ENG: variants seen among roughly 807,000 people sequenced by gnomAD.
The protein encoded by ENG is CD105 antigen.
In ENG, 17 loss-of-function variants were observed where a neutral mutation model predicts 71.0. That is an observed-to-expected ratio of 0.24 (90% CI 0.16 to 0.36). The LOEUF (loss-of-function observed/expected upper bound fraction) is 0.36, where lower values mean the gene tolerates loss of function less well. ENG is among the 10% of genes least tolerant of loss of function. ENG has a pLI of 1.00. For missense variants in ENG, 749 were observed against 868.3 expected (o/e 0.86, Z 1.73); for synonymous variants, 360 against 366.9 (o/e 0.98, Z 0.21).
intron 2 of ENG, among the ~76,000 whole-genome samples, chr9:127,841,998 G>A (rs541125140): frequency 6.6e-6 from 1 of 152,262 alleles, no homozygotes; most frequent in East Asian, 1.9e-4. Context: ...GCATAGAGTC[G>A]GCCCTAGCAC....
Position 127,836,411 on chromosome 9 carries a change from C to T in ENG, c.220-6584G>A, listed in dbSNP as rs981591563. On this transcript the variant is annotated intron_variant, in intron 2 of 14. Coordinates refer to ENST00000373203, the MANE Select transcript of ENG (RefSeq NM_001114753.3). This position sits in a 1 kb window ranked among gnomAD's most constrained non-coding sequence, Gnocchi z 4.0. ...AAGGGGGGATTTCGGTGAGGAGGCC[C>T]TGAGTGCTAGTAGCCACTTATAGAA... Among the ~76,000 whole-genome samples the T allele has an allele frequency of 1.3e-5, 2 of 152,240 alleles. No homozygotes were observed. Among genetic ancestry groups the T allele is most frequent in the Non-Finnish European group, 1.5e-5 (1 of 68,044 alleles).
At chr9:127,817,956 G>A in intron 12 of ENG, 164 bp downstream of exon 12, 3 of 1,120,370 alleles carry the variant, frequency 2.7e-6, no homozygotes, top group East Asian at 5.0e-5. Flanking sequence ...CTCTCGGGTG[G>A]CAGAAAGTGC....
intron 2 of ENG, among the ~76,000 whole-genome samples, chr9:127,837,095 C>T (rs1308155877): frequency 6.6e-6 from 1 of 152,146 alleles, no homozygotes; most frequent in African/African-American, 2.4e-5. Flanking sequence ...GCCTGGTTGG[C>T]TTTTTAATCC....
In ENG at chr9:127,817,959, GA is replaced by G. The variant is rs150166884; in HGVS notation, c.1686+160del. The G allele has an allele frequency of 4.1e-4, 486 of 1,187,886 alleles. 2 individuals are homozygous for G. The African/African-American group carries it at 6.8e-3, about 17-fold the overall frequency. 73.6% of individuals were successfully genotyped at this position (1,187,886 alleles called of 1,614,324 possible). On this transcript the variant is annotated intron_variant, in intron 12 of 14. Transcript: ENST00000373203. ...CCCACCAGAAAGCTCTCGGGTGGCA[GA>G]AAGTGCTGCTGGCAGCCAGACTGCC... is the stretch of plus-strand genomic sequence containing the variant.
intron 2 of ENG, among the ~76,000 whole-genome samples, chr9:127,842,547 C>T (rs956238629): frequency 1.3e-5 from 2 of 152,128 alleles, no homozygotes; most frequent in Admixed American, 6.5e-5. Context: ...GCCTCAGCCT[C>T]CCAAGTAGCT....
intron 2 of ENG, among the ~76,000 whole-genome samples, chr9:127,837,625 G>C (rs1052291510): frequency 2.6e-5 from 4 of 152,158 alleles, no homozygotes; most frequent in Admixed American, 1.3e-4. Context: ...ACCTCCGAAC[G>C]ACCAGACATA....
chr9:127,817,024 G>T, intron 13 of ENG, 125 bp downstream of exon 13: 1 of 1,113,750 alleles, frequency 9.0e-7, no homozygotes, highest in Non-Finnish European at 1.3e-6. Flanking sequence ...CCCCTTCTGG[G>T]CCGCTTTCTC....
At position 127,854,512 on chromosome 9, in the gene ENG, C is replaced by T. The variant is rs1456012678; in HGVS notation, c.-157G>A. The T allele has an allele frequency of 8.1e-6, 6 of 740,044 alleles. No homozygotes were observed. Among genetic ancestry groups the T allele is most frequent in the Non-Finnish European group, 6.5e-6 (3 of 464,450 alleles). 45.8% of individuals were successfully genotyped at this position (740,044 alleles called of 1,614,324 possible). A position where few individuals can be genotyped will look rare whatever the true frequency, so the allele number is the denominator to read the frequency against. ...TGCTCCAGCCTTCTGGGGTGGCGGC[C>T]GAGGGGTCAGGAGAAGTGGACACAG... is the stretch of plus-strand genomic sequence containing the variant. On this transcript the variant is annotated 5_prime_UTR_variant, in exon 1 of 15. Coordinates refer to ENST00000373203, the MANE Select transcript of ENG (RefSeq NM_001114753.3).
rs1830295702 is a variant in ENG, at chr9:127,815,821, GGGGGCA to G, written c.1853-21_1853-16del. ...GCTGGGGGAACCTGGGAGCGGGAGC[GGGGGCA>G]GGGGCGGAGGTCAGGGTCCTGGCCA... On this transcript the variant is annotated splice_polypyrimidine_tract_variant and intron_variant, in intron 14 of 14. Coordinates refer to ENST00000373203, the MANE Select transcript of ENG (RefSeq NM_001114753.3). 9.0e-6 allele frequency: 14 copies of G among 1,547,408 alleles called. No individual in the cohort carries two copies. The highest frequency in any genetic ancestry group is 1.2e-5 in the Non-Finnish European group (14 of 1,146,430).
In ENG at chr9:127,815,580, T is replaced by G; in HGVS notation, c.*102A>C. 6.7e-7 allele frequency: 1 copy of G among 1,490,722 alleles called. No homozygotes were observed. The highest frequency in any genetic ancestry group is 1.3e-5 in the South Asian group (1 of 76,770). 92.3% of individuals were successfully genotyped at this position (1,490,722 alleles called of 1,614,324 possible). On this transcript the variant is annotated 3_prime_UTR_variant, in exon 15 of 15. Transcript: ENST00000373203. Reference sequence around the variant, plus strand: ...GGTAGGCGCGGAGAGCAGGCTCCATTCTGGGTCGAGTGGAGGACTGGCTCC... The same window carrying G: ...GGTAGGCGCGGAGAGCAGGCTCCATGCTGGGTCGAGTGGAGGACTGGCTCC...
At chr9:127,840,016 C>T (rs1196204348) in intron 2 of ENG, among the ~76,000 whole-genome samples, 2 of 152,212 alleles carry the variant, frequency 1.3e-5, no homozygotes, top group African/African-American at 2.4e-5. Context: ...AGCCACCATA[C>T]GCTGAGCCGT....
chr9:127,818,960 C>T (rs558450402), intron 10 of ENG, 128 bp from the exon 11 acceptor site: 18 of 774,694 alleles, frequency 2.3e-5, no homozygotes, highest in Middle Eastern at 3.9e-4. Context: ...TTTTTTGAGA[C>T]GGAGTCTCGC....
At position 127,815,454 on chromosome 9, in the gene ENG, C is replaced by T; in HGVS notation, c.*228G>A. On this transcript the variant is annotated 3_prime_UTR_variant, in exon 15 of 15. Transcript: ENST00000373203. ...GGTCTGTCTCCTGGGCAGCCATATC[C>T]CAGACCCACTGGGTTGAAGGTTCTG... 1.2e-6 allele frequency: 1 copy of T among 814,854 alleles called. No homozygotes were observed. Among genetic ancestry groups the T allele is most frequent in the Non-Finnish European group, 1.8e-6 (1 of 541,316 alleles). 50.5% of individuals were successfully genotyped at this position (814,854 alleles called of 1,614,324 possible). A position where few individuals can be genotyped will look rare whatever the true frequency, so the allele number is the denominator to read the frequency against.
At chr9:127,845,135 T>C (rs1307420718) in intron 1 of ENG, among the ~76,000 whole-genome samples, 1 of 152,218 alleles carries the variant, frequency 6.6e-6, no homozygotes, top group Admixed American at 6.5e-5. Flanking sequence ...GTCTCCATCT[T>C]GTCGCGCTCA....
intron 10 of ENG, among the ~76,000 whole-genome samples, chr9:127,819,086 C>T (rs1016436473): frequency 5.7e-4 from 86 of 152,036 alleles, no homozygotes; most frequent in Admixed American, 1.2e-3. Context: ...TACAGGTGCC[C>T]GCCACCACGC....
rs1323617205 is a variant in ENG, at chr9:127,825,242, T to C, written c.805A>G (p.Met269Val). The change falls in exon 6 of 15, where the codon ATG becomes GTG. Residue 269 changes from methionine (M) to valine (V), a missense_variant. By Grantham distance (21) the Met-to-Val change is conservative. Coordinates refer to ENST00000373203, the MANE Select transcript of ENG (RefSeq NM_001114753.3). The stretch of plus-strand genomic sequence containing the variant: ...TGCGCACAACTCACCCAGATCTGCA[T>C]GTTGTGGTTGGCGTCGATGAGCCAG... The part of the protein sequence containing the change: ...VSWLIDANHN[M>V]QIWTTGEYSF... 3.1e-6 allele frequency: 5 copies of C among 1,612,466 alleles called. No individual in the cohort carries two copies. The African/African-American group carries it at 5.4e-5, about 17-fold the overall frequency.
At position 127,839,115 on chromosome 9, in the gene ENG, C is replaced by T. The variant is rs141697043; in HGVS notation, c.219+3979G>A. ...TCTACCCTGCTCTTGGGCTAGACACCAGGGGCCTTTTCCCTAACGCCCCTC... is the reference window on the plus strand; with the variant it reads ...TCTACCCTGCTCTTGGGCTAGACACTAGGGGCCTTTTCCCTAACGCCCCTC... On this transcript the variant is annotated intron_variant, in intron 2 of 14. Coordinates refer to ENST00000373203, the MANE Select transcript of ENG (RefSeq NM_001114753.3). Among the ~76,000 whole-genome samples the T allele has an allele frequency of 2.0e-3, 301 of 152,234 alleles. 4 individuals are homozygous for T. The East Asian group carries it at 0.036, about 18-fold the overall frequency.
chr9:127,820,566 C>T (rs1422921260), intron 8 of ENG, among the ~76,000 whole-genome samples: 3 of 151,382 alleles, frequency 2.0e-5, no homozygotes, highest in Non-Finnish European at 2.9e-5. Context: ...CGGTGGCTCA[C>T]GCCTGTAATC....
At chr9:127,823,271 A>G (rs1270807109) in intron 8 of ENG, among the ~76,000 whole-genome samples, 8 of 144,758 alleles carry the variant, frequency 5.5e-5, no homozygotes, top group East Asian at 4.2e-4. Flanking sequence ...TCAGCCTCCC[A>G]AGTAGCTGGG....
Sources: gnomAD v4.1 joint callset for allele counts (sites outside exome capture counted in the v4.1 genomes callset) on GRCh38, gnomAD v4.1.1 for gene constraint, Gnocchi (gnomAD v3.1) non-coding constraint, MANE v1.5 for transcripts, NCBI Gene and HGNC (gene_info 2026-07-23, HGNC 2026-07-21) for gene names.